The following PRRC2B variants were observed in gnomAD, a reference collection of about 807,000 sequenced individuals.
PRRC2B encodes protein PRRC2B.
A neutral mutation model predicts 242.3 loss-of-function variants in PRRC2B; 68 were observed. The ratio of observed to expected loss-of-function variants is 0.28; its 90% CI spans 0.23 to 0.34. PRRC2B has a LOEUF of 0.34. Ranked by LOEUF, PRRC2B falls within the 10% of genes least tolerant of loss-of-function variation. PRRC2B has a pLI of 1.00. For missense variants in PRRC2B, 2,835 were observed against 2,954.8 expected (o/e 0.96, Z 0.94); for synonymous variants, 1,228 against 1,173.6 (o/e 1.05, Z -0.95).
intron 11 of PRRC2B, among the ~76,000 whole-genome samples, chr9:131,463,923 G>A (rs555706518): frequency 4.6e-5 from 7 of 150,612 alleles, no homozygotes; most frequent in South Asian, 4.2e-4. Context: ...ATGAGCTACC[G>A]TGCCTTTGCT....
rs371699414 is a variant in PRRC2B at position 131,447,749 on chromosome 9, G to A, written c.1065G>A (p.Ala355=). ...CACCACGGCCCACCATTATCAATGC[G>A]GAAAACCTGAAGGGCCTTGACGATC... ...ERAPRPTIIN[A]ENLKGLDDLD... The change falls in exon 9 of 32, where the codon GCG becomes GCA. Residue 355 remains alanine, a synonymous_variant. Coordinates refer to ENST00000683519, the MANE Select transcript of PRRC2B (RefSeq NM_013318.4). The A allele has an allele frequency of 5.0e-5, 80 of 1,613,692 alleles. No individual in the cohort carries two copies. Among genetic ancestry groups the A allele is most frequent in the Admixed American group, 1.0e-4 (6 of 60,004 alleles).
Position 131,487,986 on chromosome 9 carries a change from G to A in PRRC2B, c.6115G>A (p.Gly2039Ser), listed in dbSNP as rs751704884. Residue 2039 changes from glycine to serine, a missense_variant, in exon 28 of 32, where the codon GGC becomes AGC. Around this residue, in one of 7 missense-constraint regions of PRRC2B, gnomAD observed 574 missense variants for 626.0 expected, o/e 0.92. Coordinates refer to ENST00000683519, the MANE Select transcript of PRRC2B (RefSeq NM_013318.4). This position sits in a 1 kb window ranked among gnomAD's most constrained non-coding sequence, Gnocchi z 5.3. ...CTTGGAGATGGTGAAGCCGCAGTCT[G>A]GCTCACCCTACCAGCCCATGAGCGG... ...QPLEMVKPQS[G>S]SPYQPMSGNQ... is the part of the protein sequence containing the mutation. The A allele has an allele frequency of 6.2e-7, 1 of 1,612,396 alleles. No homozygotes were observed. Among genetic ancestry groups the A allele is most frequent in the South Asian group, 1.1e-5 (1 of 90,768 alleles).
At chr9:131,451,027 G>T (rs551834860) in intron 9 of PRRC2B, among the ~76,000 whole-genome samples, 1 of 152,124 alleles carries the variant, frequency 6.6e-6, no homozygotes, top group South Asian at 2.1e-4. Context: ...GGCATTTTAC[G>T]GTTTTTTGAT....
intron 9 of PRRC2B, 77 bp downstream of exon 9, chr9:131,447,881 G>A (rs1838855465): frequency 1.4e-6 from 2 of 1,468,094 alleles, no homozygotes; most frequent in Non-Finnish European, 1.8e-6. Flanking sequence ...GAAACCCCCT[G>A]GCACCACCGT....
chr9:131,408,231 C>CG (rs1359321956), intron 1 of PRRC2B, among the ~76,000 whole-genome samples: 4 of 152,174 alleles, frequency 2.6e-5, no homozygotes, highest in Admixed American at 2.0e-4. Flanking sequence ...TTACTCTGTG[C>CG]GGGGTTACAG....
chr9:131,430,819 G>A lies in PRRC2B; in HGVS notation c.115+560G>A, dbSNP rs373783496. On this transcript the variant is annotated intron_variant, in intron 2 of 31. Coordinates refer to ENST00000683519, the MANE Select transcript of PRRC2B (RefSeq NM_013318.4). Reference sequence around the variant, plus strand: ...TGTTAGTGAGGCTGGTCTCAAACTCGTGACCTCAGGTGATCCACCCGCCTC... The same window carrying A: ...TGTTAGTGAGGCTGGTCTCAAACTCATGACCTCAGGTGATCCACCCGCCTC... Among the ~76,000 whole-genome samples the A allele has an allele frequency of 2.4e-4, 37 of 151,746 alleles. No individual in the cohort carries two copies. The East Asian group carries it at 5.4e-3, about 22-fold the overall frequency.
chr9:131,466,568 G>C (rs1271635191), intron 12 of PRRC2B, among the ~76,000 whole-genome samples: 1 of 151,386 alleles, frequency 6.6e-6, no homozygotes, highest in African/African-American at 2.4e-5. Flanking sequence ...AGTTCCTGCT[G>C]TTCAGATGTT....
At position 131,470,949 on chromosome 9, in the gene PRRC2B, G is replaced by A. The variant is rs375336862; in HGVS notation, c.2073G>A (p.Pro691=). The change falls in exon 14 of 32, where the codon CCG becomes CCA. Residue 691 remains proline (P), a synonymous_variant. Transcript: ENST00000683519. ...CACGTATCACGCCCACTCGGACCCC[G>A]GTGGACTTCTACCCCTCCGCCCTGC... ...MDPRITPTRT[P]VDFYPSALHP... The A allele has an allele frequency of 2.9e-5, 46 of 1,606,698 alleles. No individual in the cohort carries two copies. Among genetic ancestry groups the A allele is most frequent in the South Asian group, 5.5e-5 (5 of 90,880 alleles).
In PRRC2B at chr9:131,476,547, C is replaced by T. The variant is rs573194146; in HGVS notation, c.4406+12C>T. The stretch of plus-strand genomic sequence containing the variant: ...TTGAAAGTGAAAAGGTAAAACCAGA[C>T]ACCATCTGGGCCCTTTTTGTTGTTG... On this transcript the variant is annotated intron_variant, in intron 16 of 31. Transcript: ENST00000683519. The T allele has an allele frequency of 7.9e-5, 124 of 1,565,810 alleles. No homozygotes were observed. The highest frequency in any genetic ancestry group is 1.0e-4 in the Non-Finnish European group (117 of 1,156,334).
chr9:131,446,452 C>T lies in PRRC2B; in HGVS notation c.665C>T (p.Ser222Phe), dbSNP rs756710623. 1.2e-6 allele frequency: 2 copies of T among 1,613,908 alleles called. No homozygotes were observed. Among genetic ancestry groups the T allele is most frequent in the South Asian group, 2.2e-5 (2 of 91,076 alleles). ...GGGCGACACATAATTTCTGCCACGTCTCTGAGCACCTCCCCAACTGAGCTG... is the reference window on the plus strand; with the variant it reads ...GGGCGACACATAATTTCTGCCACGTTTCTGAGCACCTCCCCAACTGAGCTG... ...GGGRHIISAT[S>F]LSTSPTELGS... The change falls in exon 7 of 32, where the codon TCT (serine) becomes TTT (phenylalanine). Residue 222 changes from serine (S) to phenylalanine (F), a missense_variant. Transcript: ENST00000683519. The surrounding 1 kb of genome is among the most constrained non-coding windows in gnomAD (Gnocchi z 4.1).
chr9:131,420,869 G>A (rs985596140), intron 1 of PRRC2B, among the ~76,000 whole-genome samples: 1 of 151,988 alleles, frequency 6.6e-6, no homozygotes, highest in Non-Finnish European at 1.5e-5. Context: ...CATCGAGTGA[G>A]GCAGCAGAAG....
At chr9:131,404,493 A>AT (rs1222323014) in intron 1 of PRRC2B, among the ~76,000 whole-genome samples, 2 of 152,008 alleles carry the variant, frequency 1.3e-5, no homozygotes, top group African/African-American at 4.8e-5. Flanking sequence ...AAGTGCTGGG[A>AT]TTACAGGCGT....
intron 1 of PRRC2B, among the ~76,000 whole-genome samples, chr9:131,423,909 T>C (rs1162747183): frequency 6.6e-6 from 1 of 151,832 alleles, no homozygotes; most frequent in Non-Finnish European, 1.5e-5. Context: ...AAGAGGTGGC[T>C]GATTCCACAG....
intron 5 of PRRC2B, among the ~76,000 whole-genome samples, chr9:131,443,636 G>A (rs905773983): frequency 1.3e-5 from 2 of 151,896 alleles, no homozygotes; most frequent in Non-Finnish European, 2.9e-5. Flanking sequence ...TTGCCATGTT[G>A]CCCAGGCCGG....
At chr9:131,448,739 G>A (rs888354122) in intron 9 of PRRC2B, among the ~76,000 whole-genome samples, 4 of 151,218 alleles carry the variant, frequency 2.6e-5, no homozygotes, top group Admixed American at 6.6e-5. Context: ...ATTCTTATTC[G>A]TTTATCTCCC....
chr9:131,374,606 A>G (rs932867662), intron 1 of PRRC2B, among the ~76,000 whole-genome samples: 1 of 151,876 alleles, frequency 6.6e-6, no homozygotes, highest in Admixed American at 6.6e-5. Flanking sequence ...GCTCACTGCA[A>G]CCTCTGCCGC....
intron 12 of PRRC2B, among the ~76,000 whole-genome samples, chr9:131,467,264 C>T (rs1280573788): frequency 6.6e-6 from 1 of 152,172 alleles, no homozygotes; most frequent in Non-Finnish European, 1.5e-5. Context: ...AAACATCTTC[C>T]ACCTGAAGTC....
At chr9:131,396,289 T>TTCCTTCCTTC (rs1837053971) in intron 1 of PRRC2B, among the ~76,000 whole-genome samples, 1 of 151,658 alleles carries the variant, frequency 6.6e-6, no homozygotes, top group East Asian at 1.9e-4. Context: ...TCCCTTCCTT[T>TTCCTTCCTTC]TCCTTCCTTC....
intron 19 of PRRC2B, among the ~76,000 whole-genome samples, chr9:131,479,916 A>G (rs1475512715): frequency 6.6e-6 from 1 of 152,112 alleles, no homozygotes; most frequent in African/African-American, 2.4e-5. Flanking sequence ...TTGCCCTGAA[A>G]ACTTTTTTTT....
Sources: gnomAD v4.1 joint callset for allele counts (sites outside exome capture counted in the v4.1 genomes callset) on GRCh38, gnomAD v4.1.1 for gene constraint, gnomAD v4.1.1 regional missense constraint, Gnocchi (gnomAD v3.1) non-coding constraint, MANE v1.5 for transcripts, NCBI Gene and HGNC (gene_info 2026-07-23, HGNC 2026-07-21) for gene names.